Variants in PRDM13 observed in about 807,000 individuals in gnomAD.
PRDM13 encodes PR/SET domain 13.
Under a neutral mutation model 36.4 loss-of-function variants are expected in PRDM13, and 15 were observed. The ratio of observed to expected loss-of-function variants is 0.41; its 90% CI spans 0.28 to 0.64. PRDM13 has a LOEUF of 0.64. PRDM13 is among the 30% of genes least tolerant of loss of function. PRDM13 has a pLI of 0.29. For synonymous variants in PRDM13, 531 were observed against 467.7 expected (o/e 1.14, Z -1.75); for missense variants, 1,044 against 1,013.5 (o/e 1.03, Z -0.41).
In PRDM13 at chr6:99,614,937, C is replaced by A; in HGVS notation, c.*178C>A. The A allele has an allele frequency of 2.3e-6, 2 of 886,938 alleles. No homozygotes were observed. The highest frequency in any genetic ancestry group is 3.3e-6 in the Non-Finnish European group (2 of 602,262). The allele number at this position is 886,938 out of a possible 1,614,324, so 54.9% of individuals were successfully genotyped here. On this transcript the variant is annotated 3_prime_UTR_variant, in exon 4 of 4. Transcript: ENST00000369215. The stretch of plus-strand genomic sequence containing the variant: ...CCACATCTGGTGCTGAAACTCAGAG[C>A]AACAGTTCAGAGGTGGCGTAAATCT...
In PRDM13 at chr6:99,613,637, G is replaced by T; in HGVS notation, c.1002G>T (p.Arg334=). The change falls in exon 4 of 4, where the codon CGG becomes CGT. Residue 334 remains arginine, a synonymous_variant. Coordinates refer to ENST00000369215, the MANE Select transcript of PRDM13 (RefSeq NM_021620.4). The surrounding 1 kb of genome is among the most constrained non-coding windows in gnomAD (Gnocchi z 6.1). ...LALGRLLGGG[R]ACGRPGSGEN... Reference sequence around the variant, plus strand: ...TGGGCAGGCTGCTGGGCGGGGGCCGGGCGTGCGGGCGCCCCGGGAGCGGGG... The same window carrying T: ...TGGGCAGGCTGCTGGGCGGGGGCCGTGCGTGCGGGCGCCCCGGGAGCGGGG... 1 of 1,438,296 alleles carries T rather than the reference G, an allele frequency of 7.0e-7. No homozygotes were observed. 89.1% of individuals were successfully genotyped at this position (1,438,296 alleles called of 1,614,324 possible).
At position 99,615,460 on chromosome 6, in the gene PRDM13, G is replaced by A. The variant is rs1424934213; in HGVS notation, c.*701G>A. The A allele has an allele frequency of 1.3e-5, 2 of 152,668 alleles. No homozygotes were observed. Among genetic ancestry groups the A allele is most frequent in the Admixed American group, 1.3e-4 (2 of 15,288 alleles). 9.5% of individuals were successfully genotyped at this position (152,668 alleles called of 1,614,324 possible). ...ATATTCTATTTGGTAGAATACAAAT[G>A]TGGTGTGTGTTGTTTTATAATGACT... On this transcript the variant is annotated 3_prime_UTR_variant, in exon 4 of 4. Transcript: ENST00000369215.
chr6:99,609,672 G>C (rs891342006), intron 3 of PRDM13, among the ~76,000 whole-genome samples: 5 of 152,078 alleles, frequency 3.3e-5, no homozygotes, highest in Non-Finnish European at 7.4e-5. Context: ...GATCACTTGA[G>C]GCTAGGAGTT....
At chr6:99,611,292 T>C (rs988941127) in intron 3 of PRDM13, among the ~76,000 whole-genome samples, 1 of 152,136 alleles carries the variant, frequency 6.6e-6, no homozygotes. Flanking sequence ...TGGCTTTGCA[T>C]TGAGCTGAGT....
In PRDM13 at chr6:99,613,670, G is replaced by C. The variant is rs1477989926; in HGVS notation, c.1035G>C (p.Ser345=). ...GGCGCCCCGGGAGCGGGGAGAACTC[G>C]GCGGCGGGCGGCGCGGGTCACCACC... The part of the protein sequence containing the change: ...ACGRPGSGEN[S]AAGGAGHHHH... The change falls in exon 4 of 4, where the codon TCG becomes TCC. Residue 345 remains serine, a synonymous_variant. Transcript: ENST00000369215. The surrounding 1 kb of genome is among the most constrained non-coding windows in gnomAD (Gnocchi z 6.1). 3 of 1,422,736 alleles carry C rather than the reference G, an allele frequency of 2.1e-6. No homozygotes were observed. Among genetic ancestry groups the C allele is most frequent in the Non-Finnish European group, 2.7e-6 (3 of 1,104,062 alleles). The allele number at this position is 1,422,736 out of a possible 1,614,324, so 88.1% of individuals were successfully genotyped here.
In PRDM13 at chr6:99,608,745, G is replaced by T; in HGVS notation, c.149G>T (p.Arg50Leu). The change falls in exon 2 of 4, where the codon CGC becomes CTC. Residue 50 changes from arginine (R) to leucine (L), a missense_variant. This residue lies in a region of PRDM13 where 921 missense variants were observed against 865.2 expected (regional missense o/e 1.06). Coordinates refer to ENST00000369215, the MANE Select transcript of PRDM13 (RefSeq NM_021620.4). The part of the protein sequence containing the change: ...RREPGPKKKV[R>L]MVRGELVDES... ...CGACCACTGCTTGTGTTGCAGGTGCGCATGGTGAGAGGGGAGCTGGTGGAC... is the reference window on the plus strand; with the variant it reads ...CGACCACTGCTTGTGTTGCAGGTGCTCATGGTGAGAGGGGAGCTGGTGGAC... The T allele has an allele frequency of 6.2e-7, 1 of 1,605,892 alleles. No individual in the cohort carries two copies. Among genetic ancestry groups the T allele is most frequent in the Non-Finnish European group, 8.5e-7 (1 of 1,176,224 alleles).
chr6:99,611,514 C>T (rs577898927), intron 3 of PRDM13, among the ~76,000 whole-genome samples: 5 of 152,102 alleles, frequency 3.3e-5, no homozygotes, highest in Admixed American at 1.3e-4. Flanking sequence ...CTTCTATAAA[C>T]GATTAGGGTA....
In PRDM13 at chr6:99,606,866, C is replaced by A; in HGVS notation, c.-169C>A. ...CCCTTGCGCTAGCGGTGCCAAAAGG[C>A]TCCCGCCCCGATTGAAAAGGCGCAG... On this transcript the variant is annotated 5_prime_UTR_variant, in exon 1 of 4. Coordinates refer to ENST00000369215, the MANE Select transcript of PRDM13 (RefSeq NM_021620.4). The A allele has an allele frequency of 1.1e-6, 1 of 907,260 alleles. No homozygotes were observed. Among genetic ancestry groups the A allele is most frequent in the South Asian group, 2.0e-5 (1 of 50,622 alleles). The allele number at this position is 907,260 out of a possible 1,614,324, so 56.2% of individuals were successfully genotyped here.
intron 1 of PRDM13, among the ~76,000 whole-genome samples, chr6:99,607,721 G>A (rs1769969316): frequency 1.3e-5 from 2 of 152,224 alleles, no homozygotes; most frequent in Admixed American, 1.3e-4. Flanking sequence ...TCGGCTTGTG[G>A]GTATGCGGCA....
chr6:99,609,442 G>A, intron 3 of PRDM13, 135 bp downstream of exon 3: 1 of 1,245,382 alleles, frequency 8.0e-7, no homozygotes. Flanking sequence ...GAGGAGAGAG[G>A]TCGCCACTAC....
chr6:99,610,348 C>T (rs1770014412), intron 3 of PRDM13, among the ~76,000 whole-genome samples: 1 of 152,232 alleles, frequency 6.6e-6, no homozygotes, highest in Non-Finnish European at 1.5e-5. Context: ...TTCCTTTTCA[C>T]ACACAAAGCT....
chr6:99,607,637 C>T (rs938092376), intron 1 of PRDM13, among the ~76,000 whole-genome samples: 1 of 151,870 alleles, frequency 6.6e-6, no homozygotes, highest in East Asian at 1.9e-4. Flanking sequence ...AATTTTTTTT[C>T]CTGAAAAAAA....
chr6:99,611,509 AT>A (rs1770031436), intron 3 of PRDM13, among the ~76,000 whole-genome samples: 1 of 152,162 alleles, frequency 6.6e-6, no homozygotes, highest in Non-Finnish European at 1.5e-5. Flanking sequence ...TAAGACTTCT[AT>A]AAACGATTAG....
intron 3 of PRDM13, among the ~76,000 whole-genome samples, chr6:99,610,545 T>G (rs1410776999): frequency 6.6e-6 from 1 of 152,242 alleles, no homozygotes; most frequent in African/African-American, 2.4e-5. Context: ...ACTTCATGAA[T>G]AACACAGAAT....
intron 1 of PRDM13, among the ~76,000 whole-genome samples, chr6:99,607,392 G>A (rs1457782536): frequency 6.6e-6 from 1 of 152,154 alleles, no homozygotes; most frequent in Non-Finnish European, 1.5e-5. Context: ...GTGGCCGAGA[G>A]GCGACAGCCC....
chr6:99,614,366 C>T lies in PRDM13; in HGVS notation c.1731C>T (p.Tyr577=), dbSNP rs1178090489. 1.2e-6 allele frequency: 2 copies of T among 1,613,072 alleles called. No homozygotes were observed. The highest frequency in any genetic ancestry group is 1.7e-6 in the Non-Finnish European group (2 of 1,179,880). Residue 577 remains tyrosine (Y), a synonymous_variant, in exon 4 of 4, where the codon TAC becomes TAT. Coordinates refer to ENST00000369215, the MANE Select transcript of PRDM13 (RefSeq NM_021620.4). ...GKPKTGHLCL[Y]CGKLYSRKYG... is the part of the protein sequence containing the mutation. ...CCAAGACCGGCCACCTGTGCCTCTA[C>T]TGTGGCAAGCTGTACTCGCGCAAGT...
At chr6:99,607,241 G>C (rs1351303111) in intron 1 of PRDM13, 63 bp downstream of exon 1, 1 of 1,585,412 alleles carries the variant, frequency 6.3e-7, no homozygotes, top group Non-Finnish European at 8.6e-7. Flanking sequence ...CCCGGGAAAG[G>C]GGTACGAGAG....
Position 99,614,361 on chromosome 6 carries a change from C to T in PRDM13, c.1726C>T (p.Leu576Phe). 1.2e-6 allele frequency: 2 copies of T among 1,612,910 alleles called. No homozygotes were observed. The highest frequency in any genetic ancestry group is 1.7e-6 in the Non-Finnish European group (2 of 1,179,836). ...AGKPKTGHLC[L>F]YCGKLYSRKY... ...TAAGCCCAAGACCGGCCACCTGTGCCTCTACTGTGGCAAGCTGTACTCGCG... is the reference window on the plus strand; with the variant it reads ...TAAGCCCAAGACCGGCCACCTGTGCTTCTACTGTGGCAAGCTGTACTCGCG... Residue 576 changes from leucine to phenylalanine, a missense_variant, in exon 4 of 4, where the codon CTC becomes TTC. Around this residue, in one of 3 missense-constraint regions of PRDM13, gnomAD observed 921 missense variants for 865.2 expected, o/e 1.06. Transcript: ENST00000369215.
At position 99,613,155 on chromosome 6, in the gene PRDM13, G is replaced by A; in HGVS notation, c.520G>A (p.Glu174Lys). 6.2e-7 allele frequency: 1 copy of A among 1,612,970 alleles called. No homozygotes were observed. The highest frequency in any genetic ancestry group is 8.5e-7 in the Non-Finnish European group (1 of 1,179,916). The change falls in exon 4 of 4, where the codon GAA becomes AAA. Residue 174 changes from glutamate (E) to lysine (K), a missense_variant. By Grantham distance (56) the Glu-to-Lys change is moderately conservative. This residue lies in a region of PRDM13 where 921 missense variants were observed against 865.2 expected (regional missense o/e 1.06). Coordinates refer to ENST00000369215, the MANE Select transcript of PRDM13 (RefSeq NM_021620.4). The surrounding 1 kb of genome is among the most constrained non-coding windows in gnomAD (Gnocchi z 6.1). ...GGGGGAFLHHEHAARQGAVPA... is the reference protein window; with the variant it reads ...GGGGGAFLHHKHAARQGAVPA... Reference sequence around the variant, plus strand: ...TGGAGGCGGCGCCTTCCTGCACCACGAACACGCGGCTCGCCAAGGCGCCGT... The same window carrying A: ...TGGAGGCGGCGCCTTCCTGCACCACAAACACGCGGCTCGCCAAGGCGCCGT...
Sources: allele counts gnomAD v4.1 joint callset (sites outside exome capture counted in the v4.1 genomes callset), GRCh38; gene constraint gnomAD v4.1.1; regional missense constraint gnomAD v4.1.1; non-coding constraint Gnocchi (gnomAD v3.1); transcripts MANE v1.5; gene names NCBI Gene and HGNC (gene_info 2026-07-23, HGNC 2026-07-21).